Variants in NAALAD2 observed in about 807,000 individuals in gnomAD.
NAALAD2 encodes the protein N-acetylated alpha-linked acidic dipeptidase 2.
Under a neutral mutation model 95.6 loss-of-function variants are expected in NAALAD2, and 89 were observed. The ratio of observed to expected loss-of-function variants is 0.93; its 90% CI spans 0.78 to 1.11. NAALAD2 has a LOEUF of 1.11. Among genes scored for constraint, NAALAD2 ranks in the 50% least tolerant of loss-of-function variants. The pLI, the probability that NAALAD2 is intolerant of heterozygous loss-of-function variation, is 0.00. For synonymous variants in NAALAD2, 264 were observed against 294.4 expected (o/e 0.90, Z 1.06); for missense variants, 894 against 872.4 (o/e 1.02, Z -0.31).
At chr11:90,164,679 G>A (rs555438202) in intron 11 of NAALAD2, among the ~76,000 whole-genome samples, 1 of 152,234 alleles carries the variant, frequency 6.6e-6, no homozygotes, top group South Asian at 2.1e-4. Context: ...CACACAGTAA[G>A]TGATCAATAA....
intron 6 of NAALAD2, among the ~76,000 whole-genome samples, chr11:90,154,942 TATATTATATACGTATACATA>T: frequency 9.1e-6 from 1 of 109,532 alleles, no homozygotes; most frequent in Non-Finnish European, 1.8e-5. Flanking sequence ...TACATATGTA[TATATTATATACGTATACATA>T]ATATGTATAT....
At chr11:90,134,940 AGCCCTG>A (rs1220444373) in intron 1 of NAALAD2, 100 bp downstream of exon 1, 3 of 1,341,820 alleles carry the variant, frequency 2.2e-6, no homozygotes, top group Middle Eastern at 1.8e-4. Flanking sequence ...GCTGTGCGCT[AGCCCTG>A]GCCGGCTGGG....
chr11:90,147,127 A>G (rs1951766911), intron 2 of NAALAD2, among the ~76,000 whole-genome samples: 1 of 152,172 alleles, frequency 6.6e-6, no homozygotes, highest in South Asian at 2.1e-4. Context: ...CTGAGGAAGC[A>G]TAATATGAAA....
chr11:90,161,076 A>T (rs1391388183), intron 8 of NAALAD2, among the ~76,000 whole-genome samples: 1 of 152,224 alleles, frequency 6.6e-6, no homozygotes, highest in Non-Finnish European at 1.5e-5. Context: ...AGCTAGAGAT[A>T]TAGAGTATCA....
At position 90,177,526 on chromosome 11, in the gene NAALAD2, C is replaced by T. The variant is rs530306535; in HGVS notation, c.1594-327C>T. On this transcript the variant is annotated intron_variant, in intron 15 of 18. Coordinates refer to ENST00000534061, the MANE Select transcript of NAALAD2 (RefSeq NM_005467.4). ...TTGGCTATAGTGTTTTCGTTATTAG[C>T]GTTTTGCCTCCTTGTGGTAAAACTC... Among the ~76,000 whole-genome samples, 198 of 142,542 alleles carry T rather than the reference C, an allele frequency of 1.4e-3. 1 individual carries two copies. Among genetic ancestry groups the T allele is most frequent in the African/African-American group, 5.0e-3 (193 of 38,256 alleles). The allele number at this position is 142,542 out of a possible 152,430, so 93.5% of individuals were successfully genotyped here.
At chr11:90,180,565 G>C (rs924359954) in intron 16 of NAALAD2, among the ~76,000 whole-genome samples, 1 of 151,886 alleles carries the variant, frequency 6.6e-6, no homozygotes, top group Non-Finnish European at 1.5e-5. Context: ...CTTTCCATTA[G>C]GTGTGACCTA....
chr11:90,186,488 T>C (rs1027545057), intron 18 of NAALAD2, among the ~76,000 whole-genome samples: 16 of 152,060 alleles, frequency 1.1e-4, no homozygotes, highest in Non-Finnish European at 2.1e-4. Context: ...GCAATAAACA[T>C]GTGTGCATGT....
intron 6 of NAALAD2, 24 bp downstream of exon 6, chr11:90,152,508 ACC>A (rs1362329905): frequency 6.4e-7 from 1 of 1,562,930 alleles, no homozygotes; most frequent in Non-Finnish European, 8.7e-7. Context: ...CTATCAGTCC[ACC>A]AATTTTGCAA....
At chr11:90,154,623 A>G (rs927108992) in intron 6 of NAALAD2, among the ~76,000 whole-genome samples, 13 of 151,544 alleles carry the variant, frequency 8.6e-5, no homozygotes, top group Admixed American at 8.6e-4. Context: ...TTTGGTATCA[A>G]AGAAATGCTG....
intron 2 of NAALAD2, among the ~76,000 whole-genome samples, chr11:90,138,496 C>T (rs185349780): frequency 6.3e-4 from 96 of 152,172 alleles, no homozygotes; most frequent in African/African-American, 2.2e-3. Flanking sequence ...TAGAAAGGAC[C>T]GTGTTGTAAA....
chr11:90,141,954 A>G (rs1951631056), intron 2 of NAALAD2, among the ~76,000 whole-genome samples: 1 of 152,120 alleles, frequency 6.6e-6, no homozygotes, highest in Admixed American at 6.6e-5. Flanking sequence ...GTTGAATAAG[A>G]GTAGTAAGAG....
chr11:90,184,881 T>G (rs1218504848), intron 18 of NAALAD2, among the ~76,000 whole-genome samples: 1 of 152,170 alleles, frequency 6.6e-6, no homozygotes, highest in Non-Finnish European at 1.5e-5. Context: ...AATGAATGGT[T>G]GTGTCTGTAC....
intron 11 of NAALAD2, among the ~76,000 whole-genome samples, chr11:90,167,884 C>G (rs1565535355): frequency 6.6e-6 from 1 of 151,600 alleles, no homozygotes; most frequent in Non-Finnish European, 1.5e-5. Flanking sequence ...CCAATCGGCT[C>G]TCTGTAAAAT....
intron 2 of NAALAD2, among the ~76,000 whole-genome samples, chr11:90,146,921 A>G (rs1034567881): frequency 6.6e-6 from 1 of 152,200 alleles, no homozygotes; most frequent in Admixed American, 6.5e-5. Flanking sequence ...AACAGTAGAA[A>G]TATATAAGAT....
At chr11:90,155,267 G>T (rs1270541157) in intron 6 of NAALAD2, among the ~76,000 whole-genome samples, 6 of 109,738 alleles carry the variant, frequency 5.5e-5, no homozygotes, top group Admixed American at 1.3e-4. Flanking sequence ...TATGTATATA[G>T]AATGTATATA....
intron 14 of NAALAD2, among the ~76,000 whole-genome samples, chr11:90,174,465 A>C (rs1952729981): frequency 2.0e-5 from 3 of 152,172 alleles, no homozygotes; most frequent in Admixed American, 2.0e-4. Context: ...GTTTCGCTAC[A>C]TTATTAGCCA....
At chr11:90,170,266 CA>C in intron 13 of NAALAD2, 130 bp downstream of exon 13, 1 of 643,122 alleles carries the variant, frequency 1.6e-6, no homozygotes, top group Non-Finnish European at 2.8e-6. Context: ...ATAAACAAAA[CA>C]AAATCTTTAA....
intron 2 of NAALAD2, among the ~76,000 whole-genome samples, chr11:90,146,986 T>C (rs1039694455): frequency 3.3e-5 from 5 of 152,154 alleles, no homozygotes; most frequent in South Asian, 2.1e-4. Context: ...ATTTTTTTTT[T>C]CCAAAATGTC....
intron 2 of NAALAD2, among the ~76,000 whole-genome samples, chr11:90,141,953 G>A (rs142021067): frequency 1.3e-5 from 2 of 152,220 alleles, no homozygotes; most frequent in East Asian, 3.9e-4. Context: ...TGTTGAATAA[G>A]AGTAGTAAGA....
Sources: gnomAD v4.1 joint callset for allele counts (sites outside exome capture counted in the v4.1 genomes callset) on GRCh38, gnomAD v4.1.1 for gene constraint, MANE v1.5 for transcripts, NCBI Gene and HGNC (gene_info 2026-07-23, HGNC 2026-07-21) for gene names.